TMEM132B: variants seen among roughly 807,000 people sequenced by gnomAD.
TMEM132B encodes the protein transmembrane protein 132B.
A neutral mutation model predicts 90.8 loss-of-function variants in TMEM132B; 18 were observed. The observed-to-expected ratio is 0.20, with a 90% CI of 0.14 to 0.29. The LOEUF (loss-of-function observed/expected upper bound fraction) is 0.29. Among genes scored for constraint, TMEM132B ranks in the 10% least tolerant of loss-of-function variants. TMEM132B has a pLI of 1.00. For synonymous variants in TMEM132B, 504 were observed against 523.3 expected, an observed-to-expected ratio of 0.96 and a Z score of 0.50; for missense variants, 1,096 against 1,326.8, an observed-to-expected ratio of 0.83 and a Z score of 2.70.
Position 125,496,820 on chromosome 12 carries a change from C to T in TMEM132B, c.1107-22619C>T, listed in dbSNP as rs953632381. On this transcript the variant is annotated intron_variant, in intron 3 of 8. Transcript: ENST00000682704. ...CCCCCACTTCTTTCTGTAGGCCTTG[C>T]GAGGACCACTCTCTGTTAGTGCAGA... is the stretch of plus-strand genomic sequence containing the variant. 7.2e-5 allele frequency among the ~76,000 whole-genome samples: 11 copies of T among 152,154 alleles called. No homozygotes were observed. The South Asian group carries it at 1.7e-3, about 23-fold the overall frequency.
At chr12:125,579,283 G>T (rs970024358) in intron 4 of TMEM132B, among the ~76,000 whole-genome samples, 5 of 151,494 alleles carry the variant, frequency 3.3e-5, no homozygotes, top group Admixed American at 3.3e-4. Flanking sequence ...TTCAACTTTA[G>T]AATTTCTAAT....
chr12:125,371,609 T>G (rs996239066), intron 2 of TMEM132B, among the ~76,000 whole-genome samples: 1 of 152,226 alleles, frequency 6.6e-6, no homozygotes, highest in Non-Finnish European at 1.5e-5. Flanking sequence ...TAACAGAGAA[T>G]TTTATTTAAA....
At chr12:125,587,402 G>A (rs1177000581) in intron 5 of TMEM132B, 1 of 152,118 alleles carries the variant, frequency 6.6e-6, no homozygotes, top group Non-Finnish European at 1.5e-5. Flanking sequence ...AGAAGTGTGT[G>A]GGGGGTGCGG....
chr12:125,525,729 C>T (rs1883435638), intron 4 of TMEM132B, among the ~76,000 whole-genome samples: 1 of 152,204 alleles, frequency 6.6e-6, no homozygotes, highest in South Asian at 2.1e-4. Context: ...CCAACGGCCA[C>T]TCCTGCCTCC....
chr12:125,522,494 C>A (rs747928358), intron 4 of TMEM132B, among the ~76,000 whole-genome samples: 2 of 152,190 alleles, frequency 1.3e-5, no homozygotes, highest in African/African-American at 4.8e-5. Context: ...CTGCCTATCC[C>A]CCCAAAGCAA....
intron 3 of TMEM132B, among the ~76,000 whole-genome samples, chr12:125,513,231 A>G (rs896070478): frequency 1.6e-4 from 23 of 144,922 alleles, no homozygotes; most frequent in African/African-American, 5.7e-4. Flanking sequence ...CATTCATTCA[A>G]CAGATGTCTA....
chr12:125,638,517 T>G (rs1475318088), intron 5 of TMEM132B, among the ~76,000 whole-genome samples: 1 of 152,326 alleles, frequency 6.6e-6, no homozygotes, highest in East Asian at 1.9e-4. Context: ...TTTCTCTACA[T>G]AGTTTTGATT....
Position 125,261,862 on chromosome 12 carries a change from G to T in TMEM132B, c.67+74996G>T, listed in dbSNP as rs145243831. ...TGCCCACTTGCTCTGACAGGGTCTC[G>T]CTCTGATGCCCAGGCTGCAGTGCAG... On this transcript the variant is annotated intron_variant, in intron 1 of 8. Transcript: ENST00000682704. 3.9e-5 allele frequency among the ~76,000 whole-genome samples: 6 copies of T among 152,176 alleles called. No individual in the cohort carries two copies. The East Asian group carries it at 1.2e-3, about 29-fold the overall frequency.
chr12:125,626,437 T>G (rs1886233369), intron 5 of TMEM132B, among the ~76,000 whole-genome samples: 1 of 152,192 alleles, frequency 6.6e-6, no homozygotes, highest in Non-Finnish European at 1.5e-5. Context: ...GGTAGTTCAA[T>G]TCTTAGGTTT....
At position 125,349,167 on chromosome 12, in the gene TMEM132B, G is replaced by A. The variant is rs1010923789; in HGVS notation, c.68-285G>A. 6.6e-6 allele frequency among the ~76,000 whole-genome samples: 1 copy of A among 152,128 alleles called. No individual in the cohort carries two copies. The highest frequency in any genetic ancestry group is 1.5e-5 in the Non-Finnish European group (1 of 68,022). ...CATGATCTTTTGAGTTTATGATTTC[G>A]CACAAGCAGCAGAAGCAATGTTTTC... On this transcript the variant is annotated intron_variant, in intron 1 of 8. Coordinates refer to ENST00000682704, the MANE Select transcript of TMEM132B (RefSeq NM_001366854.1). The surrounding 1 kb of genome is among the most constrained non-coding windows in gnomAD (Gnocchi z 4.1).
chr12:125,611,586 A>G (rs771347879), intron 5 of TMEM132B, among the ~76,000 whole-genome samples: 6 of 152,028 alleles, frequency 3.9e-5, no homozygotes, highest in Non-Finnish European at 7.4e-5. Flanking sequence ...GCTACATCCC[A>G]TAATTTTGGT....
intron 4 of TMEM132B, among the ~76,000 whole-genome samples, chr12:125,570,866 A>G (rs767127040): frequency 2.6e-5 from 4 of 152,132 alleles, no homozygotes; most frequent in Non-Finnish European, 2.9e-5. Context: ...TGTGCTAGGG[A>G]TCAAAGAGTG....
At chr12:125,453,474 C>A (rs926453396) in intron 3 of TMEM132B, among the ~76,000 whole-genome samples, 3 of 152,126 alleles carry the variant, frequency 2.0e-5, no homozygotes, top group African/African-American at 7.2e-5. Context: ...AAATTCTCTT[C>A]TAGGTCTCAT....
intron 2 of TMEM132B, among the ~76,000 whole-genome samples, chr12:125,370,999 G>A (rs2136270574): frequency 6.6e-6 from 1 of 152,298 alleles, no homozygotes; most frequent in South Asian, 2.1e-4. Context: ...TCAAAAGTAG[G>A]GAAGCTGATG....
intron 2 of TMEM132B, among the ~76,000 whole-genome samples, chr12:125,401,649 AC>A (rs1879325359): frequency 6.6e-6 from 1 of 152,226 alleles, no homozygotes; most frequent in African/African-American, 2.4e-5. Context: ...TTCCCCACCA[AC>A]ATACAATATT....
intron 2 of TMEM132B, among the ~76,000 whole-genome samples, chr12:125,392,246 C>T (rs1397683200): frequency 6.6e-6 from 1 of 152,182 alleles, no homozygotes; most frequent in Non-Finnish European, 1.5e-5. Context: ...AATAACATTT[C>T]CATCTTACCT....
At chr12:125,473,649 C>T (rs1421083699) in intron 3 of TMEM132B, among the ~76,000 whole-genome samples, 1 of 152,174 alleles carries the variant, frequency 6.6e-6, no homozygotes, top group Non-Finnish European at 1.5e-5. Context: ...TTCCACAGTC[C>T]ACACCAGCTG....
Position 125,332,392 on chromosome 12 carries a change from C to A in TMEM132B, c.68-17060C>A, listed in dbSNP as rs1876803156. On this transcript the variant is annotated intron_variant, in intron 1 of 8. Coordinates refer to ENST00000682704, the MANE Select transcript of TMEM132B (RefSeq NM_001366854.1). ...GCAACTCTTGTAGCAGGCAAGTGAA[C>A]AATACATATTTTACTTTCTTTTATT... Among the ~76,000 whole-genome samples, 3 of 152,012 alleles carry A rather than the reference C, an allele frequency of 2.0e-5. No individual in the cohort carries two copies. The South Asian group carries it at 6.2e-4, about 31-fold the overall frequency.
intron 2 of TMEM132B, among the ~76,000 whole-genome samples, chr12:125,403,716 GTTT>G (rs540581598): frequency 6.6e-5 from 10 of 152,134 alleles, no homozygotes; most frequent in Admixed American, 6.5e-4. Context: ...TTAGGTTTGT[GTTT>G]TTGATACCCA....
Sources: gnomAD v4.1 joint callset for allele counts (sites outside exome capture counted in the v4.1 genomes callset) on GRCh38, gnomAD v4.1.1 for gene constraint, Gnocchi (gnomAD v3.1) non-coding constraint, MANE v1.5 for transcripts, NCBI Gene and HGNC (gene_info 2026-07-23, HGNC 2026-07-21) for gene names.